The following MAEA variants were observed in gnomAD, a reference collection of about 807,000 sequenced individuals.
MAEA encodes the protein E3 ubiquitin-protein transferase MAEA.
Under a neutral mutation model 46.2 loss-of-function variants are expected in MAEA, and 22 were observed. The ratio of observed to expected loss-of-function variants is 0.48; its 90% CI spans 0.34 to 0.68. MAEA has a LOEUF of 0.68. Among genes scored for constraint, MAEA ranks in the 30% least tolerant of loss-of-function variants. The pLI is 0.01. For synonymous variants in MAEA, 246 were observed against 222.6 expected (o/e 1.11, Z -0.94); for missense variants, 393 against 558.1 (o/e 0.70, Z 2.98).
intron 4 of MAEA, among the ~76,000 whole-genome samples, chr4:1,325,380 C>T (rs936003126): frequency 7.2e-5 from 11 of 152,358 alleles, no homozygotes; most frequent in East Asian, 1.9e-4. Flanking sequence ...TGGCGCTCCA[C>T]GCCGTATGGG....
chr4:1,324,794 T>C (rs1168894416), intron 4 of MAEA, among the ~76,000 whole-genome samples: 3 of 146,044 alleles, frequency 2.1e-5, no homozygotes, highest in Non-Finnish European at 4.5e-5. Flanking sequence ...AAAGTTGAGA[T>C]TGGTGTTGGA....
At chr4:1,338,995 C>G in intron 8 of MAEA, 79 bp from the exon 9 acceptor site, 2 of 1,176,546 alleles carry the variant, frequency 1.7e-6, no homozygotes, top group Non-Finnish European at 2.5e-6. Flanking sequence ...CCTGGTGGTT[C>G]ATTGTGGGGA....
At chr4:1,338,079 T>G (rs556965361) in intron 7 of MAEA, 1 of 265,172 alleles carries the variant, frequency 3.8e-6, no homozygotes, top group South Asian at 7.3e-5. Flanking sequence ...TGCCTGTTCC[T>G]AGGTGCCAGC....
At chr4:1,330,548 C>T (rs976751073) in intron 5 of MAEA, 1 of 117,674 alleles carries the variant, frequency 8.5e-6, no homozygotes, top group Admixed American at 8.1e-5. Flanking sequence ...AACTCCTGAC[C>T]TTGTGATCCG....
At chr4:1,327,535 G>A in intron 4 of MAEA, 92 bp from the exon 5 acceptor site, 1 of 848,908 alleles carries the variant, frequency 1.2e-6, no homozygotes. Flanking sequence ...CTTTGGTTGT[G>A]GGGTCTGCTG....
intron 1 of MAEA, among the ~76,000 whole-genome samples, chr4:1,304,660 C>G (rs1735664828): frequency 6.6e-6 from 1 of 151,994 alleles, no homozygotes; most frequent in African/African-American, 2.4e-5. Flanking sequence ...AGGATGGTCT[C>G]CATCTCCTGA....
chr4:1,310,132 C>A, intron 1 of MAEA: 1 of 547,764 alleles, frequency 1.8e-6, no homozygotes, highest in Non-Finnish European at 2.3e-6. Context: ...TGAGTATATG[C>A]CTTGCGTCCT....
rs566736964 is a variant in MAEA at position 1,303,969 on chromosome 4, G to A, written c.70-8010G>A. 2.1e-4 allele frequency among the ~76,000 whole-genome samples: 32 copies of A among 150,770 alleles called. 1 individual carries two copies. Among genetic ancestry groups the A allele is most frequent in the Non-Finnish European group, 3.5e-4 (24 of 67,748 alleles). ...GTGGGGGTCGGGCAGGGCAGGGGGC[G>A]TCCGTGGTGTGTAGCTCTGCACACA... On this transcript the variant is annotated intron_variant, in intron 1 of 8. Coordinates refer to ENST00000303400, the MANE Select transcript of MAEA (RefSeq NM_001017405.3).
intron 5 of MAEA, chr4:1,329,670 A>G: frequency 7.1e-6 from 7 of 985,452 alleles, no homozygotes; most frequent in Non-Finnish European, 8.4e-6. Context: ...GTGGCCCTGG[A>G]GCCACCCACA....
chr4:1,333,505 C>T (rs1340654736), intron 6 of MAEA, among the ~76,000 whole-genome samples: 1 of 152,130 alleles, frequency 6.6e-6, no homozygotes, highest in Non-Finnish European at 1.5e-5. Context: ...CTTGCTGACG[C>T]TTTGTATTTT....
intron 4 of MAEA, among the ~76,000 whole-genome samples, chr4:1,327,412 G>C (rs1738985115): frequency 6.6e-6 from 1 of 152,228 alleles, no homozygotes; most frequent in Non-Finnish European, 1.5e-5. Context: ...CAGGAGCAGG[G>C]GGCGGGACTC....
intron 5 of MAEA, chr4:1,329,502 G>A (rs1739267771): frequency 2.0e-6 from 2 of 985,206 alleles, no homozygotes; most frequent in East Asian, 1.1e-4. Context: ...GACACGTGCT[G>A]CCTCGAAGCC....
chr4:1,304,323 G>C (rs767810441), intron 1 of MAEA, among the ~76,000 whole-genome samples: 2 of 152,166 alleles, frequency 1.3e-5, no homozygotes, highest in Non-Finnish European at 2.9e-5. Flanking sequence ...TGTAGAGACG[G>C]GGGTGTCTCT....
At chr4:1,315,665 G>A in intron 3 of MAEA, 65 bp downstream of exon 3, 7 of 1,535,002 alleles carry the variant, frequency 4.6e-6, no homozygotes, top group Non-Finnish European at 6.3e-6. Flanking sequence ...CAGCCGCCCT[G>A]TGGCATGTCC....
intron 5 of MAEA, chr4:1,329,640 A>G: frequency 1.0e-6 from 1 of 985,390 alleles, no homozygotes; most frequent in Non-Finnish European, 1.2e-6. Flanking sequence ...CTGGTCAGGG[A>G]AGTCCGGCCT....
At chr4:1,292,946 C>T (rs545930169) in intron 1 of MAEA, among the ~76,000 whole-genome samples, 114 of 143,852 alleles carry the variant, frequency 7.9e-4, no homozygotes, top group East Asian at 6.0e-3. Flanking sequence ...CAGGCTGGAG[C>T]GCGGTGGCAC....
intron 1 of MAEA, chr4:1,299,411 C>G: frequency 6.5e-6 from 1 of 153,272 alleles, no homozygotes; most frequent in Non-Finnish European, 1.5e-5. Context: ...CCCACCTCTG[C>G]CCCTGCGGCT....
intron 4 of MAEA, among the ~76,000 whole-genome samples, chr4:1,325,588 C>T (rs1201743253): frequency 1.3e-5 from 2 of 152,320 alleles, no homozygotes; most frequent in East Asian, 3.9e-4. Context: ...AGCACCCCCT[C>T]GGCAGCTGCG....
chr4:1,336,792 C>T lies in MAEA; in HGVS notation c.766-69C>T, dbSNP rs1419974457. The T allele has an allele frequency of 8.6e-6, 13 of 1,505,952 alleles. No homozygotes were observed. In the East Asian group the frequency reaches 2.7e-4, roughly 32 times the overall value. The allele number at this position is 1,505,952 out of a possible 1,614,324, so 93.3% of individuals were successfully genotyped here. A position where few individuals can be genotyped will look rare whatever the true frequency, so the allele number is the denominator to read the frequency against. The stretch of plus-strand genomic sequence containing the variant: ...CGATGGCACCTGCTTCACCATGGTC[C>T]ACGTTTTTAAGCTGTCCCAGGAGCT... On this transcript the variant is annotated intron_variant, in intron 6 of 8. Transcript: ENST00000303400.
Sources: gnomAD v4.1 joint callset for allele counts (sites outside exome capture counted in the v4.1 genomes callset) on GRCh38, gnomAD v4.1.1 for gene constraint, MANE v1.5 for transcripts, NCBI Gene and HGNC (gene_info 2026-07-23, HGNC 2026-07-21) for gene names.